ELN: variants seen among roughly 807,000 people sequenced by gnomAD.
The protein encoded by ELN is elastin.
Under a neutral mutation model 105.8 loss-of-function variants are expected in ELN, and 65 were observed. The ratio of observed to expected loss-of-function variants is 0.61; its 90% CI spans 0.50 to 0.75. The LOEUF is 0.75. ELN is among the 30% of genes least tolerant of loss of function. The pLI, the probability that ELN is intolerant of heterozygous loss-of-function variation, is 0.00. For missense variants in ELN, 882 were observed against 969.4 expected (o/e 0.91, Z 1.20); for synonymous variants, 368 against 389.2 (o/e 0.95, Z 0.64).
At chr7:74,046,250 C>G (rs781938629) in intron 11 of ELN, 33 bp downstream of exon 11, 2 of 1,614,064 alleles carry the variant, frequency 1.2e-6, no homozygotes, top group Admixed American at 3.3e-5. Flanking sequence ...AGCAGGGTGG[C>G]CAGCCAGGCA....
intron 8 of ELN, 130 bp downstream of exon 8, chr7:74,043,298 A>C (rs1373009979): frequency 8.8e-6 from 12 of 1,366,220 alleles, no homozygotes; most frequent in African/African-American, 2.9e-5. Flanking sequence ...CGGGCAGAGA[A>C]ACTAGCCAGG....
At chr7:74,038,335 C>A (rs1192789228) in intron 4 of ELN, among the ~76,000 whole-genome samples, 2 of 152,246 alleles carry the variant, frequency 1.3e-5, no homozygotes, top group African/African-American at 4.8e-5. Flanking sequence ...TCCCACAGGA[C>A]CCCCAATCCT....
chr7:74,059,949 C>T lies in ELN; in HGVS notation c.1478C>T (p.Pro493Leu). ...GTGGCTCCTGGTGTCGGTGTGGCTC[C>T]TGGAGTTGGCTTGGCTCCTGGAGTT... Reference protein sequence around the residue: ...VGVAPGVGVAPGVGLAPGVGV... With the variant: ...VGVAPGVGVALGVGLAPGVGV... Residue 493 changes from proline to leucine, a missense_variant, in exon 23 of 33, where the codon CCT becomes CTT. Transcript: ENST00000252034. 1 of 1,611,018 alleles carries T rather than the reference C, an allele frequency of 6.2e-7. No individual in the cohort carries two copies.
intron 22 of ELN, 94 bp downstream of exon 22, chr7:74,057,790 C>A: frequency 7.0e-7 from 1 of 1,431,968 alleles, no homozygotes; most frequent in Non-Finnish European, 9.8e-7. Context: ...CTGTTCCTTT[C>A]CACCCCACTT....
intron 31 of ELN, among the ~76,000 whole-genome samples, 171 bp from the exon 32 acceptor site, chr7:74,066,561 C>T (rs1798002300): frequency 1.3e-5 from 2 of 151,848 alleles, no homozygotes; most frequent in Non-Finnish European, 2.9e-5. Flanking sequence ...AGCAAGACCC[C>T]ATCTCAAAAA....
intron 1 of ELN, 116 bp downstream of exon 1, chr7:74,028,385 G>C: frequency 1.6e-6 from 2 of 1,238,766 alleles, no homozygotes; most frequent in Non-Finnish European, 1.1e-6. Flanking sequence ...GGGGTCCCAG[G>C]TGGGAGCCCC....
chr7:74,066,369 C>G (rs1164966689), intron 31 of ELN, among the ~76,000 whole-genome samples: 1 of 152,012 alleles, frequency 6.6e-6, no homozygotes, highest in Non-Finnish European at 1.5e-5. Flanking sequence ...GAGTTCGAGA[C>G]CAGTCTGGTC....
chr7:74,056,737 C>T (rs782523154), intron 21 of ELN, 24 bp downstream of exon 21: 2 of 1,613,654 alleles, frequency 1.2e-6, no homozygotes, highest in Admixed American at 3.3e-5. Context: ...CCCTGCCTGT[C>T]CCCAAGTCCT....
At chr7:74,068,514 C>T in intron 32 of ELN, 143 bp from the exon 33 acceptor site, 1 of 889,114 alleles carries the variant, frequency 1.1e-6, no homozygotes, top group Non-Finnish European at 1.8e-6. Context: ...TGGCATGGAT[C>T]AGGTCTGAGT....
chr7:74,061,023 G>T (rs782812817), intron 25 of ELN, 78 bp from the exon 26 acceptor site: 169 of 1,566,320 alleles, frequency 1.1e-4, no homozygotes, highest in Non-Finnish European at 1.4e-4. Context: ...GTCAGGGAGG[G>T]CTCTCTAGAG....
intron 8 of ELN, 171 bp from the exon 9 acceptor site, chr7:74,043,708 C>T (rs782737526): frequency 2.3e-5 from 18 of 792,390 alleles, no homozygotes; most frequent in South Asian, 3.0e-5. Flanking sequence ...AGATGACTTC[C>T]GAAACTCGTG....
rs1554691305 is a variant in ELN, at chr7:74,069,770, G to C, written c.*1070G>C. The C allele has an allele frequency of 4.5e-6, 1 of 224,024 alleles. No homozygotes were observed. Among genetic ancestry groups the C allele is most frequent in the Non-Finnish European group, 8.9e-6 (1 of 112,862 alleles). The allele number at this position is 224,024 out of a possible 1,614,324, so 13.9% of individuals were successfully genotyped here. A position where few individuals can be genotyped will look rare whatever the true frequency, so the allele number is the denominator to read the frequency against. Reference sequence around the variant, plus strand: ...AAAAGATAATTTTTTTTTCTGATCCGGGGAGCTGTATCCCCAGTAGAAAAA... The same window carrying C: ...AAAAGATAATTTTTTTTTCTGATCCCGGGAGCTGTATCCCCAGTAGAAAAA... On this transcript the variant is annotated 3_prime_UTR_variant, in exon 33 of 33. Transcript: ENST00000252034.
intron 18 of ELN, 87 bp from the exon 19 acceptor site, chr7:74,054,627 AAC>A: frequency 1.5e-6 from 2 of 1,373,518 alleles, no homozygotes; most frequent in Non-Finnish European, 2.1e-6. Context: ...GAGATGGCCC[AAC>A]ACACAGATGG....
chr7:74,043,554 A>T (rs1554670190), intron 8 of ELN: 1 of 658,284 alleles, frequency 1.5e-6, no homozygotes, highest in South Asian at 1.6e-5. Context: ...GCCCTTTAGG[A>T]AGTGACTTCA....
intron 6 of ELN, 115 bp downstream of exon 6, chr7:74,042,821 G>T: frequency 1.3e-6 from 2 of 1,532,084 alleles, no homozygotes; most frequent in Non-Finnish European, 1.8e-6. Flanking sequence ...GGGATTGTCA[G>T]TTGCAATCTA....
intron 4 of ELN, 121 bp from the exon 5 acceptor site, chr7:74,041,095 C>T (rs1172257562): frequency 7.6e-7 from 1 of 1,309,394 alleles, no homozygotes; most frequent in Non-Finnish European, 1.1e-6. Context: ...GCATCACAGG[C>T]TTAGGGACCA....
intron 1 of ELN, among the ~76,000 whole-genome samples, chr7:74,032,000 G>C (rs1228091343): frequency 2.0e-5 from 3 of 152,064 alleles, no homozygotes; most frequent in Non-Finnish European, 4.4e-5. Flanking sequence ...CAGAAGAGCA[G>C]ATTCTCGATT....
chr7:74,050,890 A>G (rs1470970086), intron 15 of ELN, among the ~76,000 whole-genome samples: 1 of 152,220 alleles, frequency 6.6e-6, no homozygotes, highest in Non-Finnish European at 1.5e-5. Context: ...AACAGGAAAG[A>G]GGAGGCCAAG....
intron 1 of ELN, among the ~76,000 whole-genome samples, chr7:74,030,175 C>G (rs1788349281): frequency 6.6e-6 from 1 of 152,212 alleles, no homozygotes; most frequent in African/African-American, 2.4e-5. Context: ...GGGTTTTGCA[C>G]AGAAGTGCTA....
Sources: gnomAD v4.1 joint callset for allele counts (sites outside exome capture counted in the v4.1 genomes callset) on GRCh38, gnomAD v4.1.1 for gene constraint, MANE v1.5 for transcripts, NCBI Gene and HGNC (gene_info 2026-07-23, HGNC 2026-07-21) for gene names.